The following ZNF594 variants were observed in gnomAD, a reference collection of about 807,000 sequenced individuals.
The protein encoded by ZNF594 is zinc finger protein 594.
For missense variants in ZNF594, 1,037 were observed against 964.6 expected (o/e 1.08, Z -0.99); for synonymous variants, 336 against 309.4 (o/e 1.09, Z -0.90).
downstream of ZNF594, among the ~76,000 whole-genome samples, chr17:5,179,211 G>A (rs930117077): frequency 3.4e-5 from 5 of 146,976 alleles, no homozygotes; most frequent in South Asian, 2.6e-4. Flanking sequence ...CCTCCACCCC[G>A]TTCCTCTCTC....
chr17:5,184,486 C>T, intron 1 of ZNF594: 1 of 540,968 alleles, frequency 1.8e-6, no homozygotes. Context: ...AGGGTGCAGG[C>T]TGGAGCTGGG....
rs768730950 is a variant in ZNF594, at chr17:5,184,036, T to G, written c.221A>C (p.Gln74Pro). 4 of 1,614,052 alleles carry G rather than the reference T, an allele frequency of 2.5e-6. No homozygotes were observed. In the African/African-American group the frequency reaches 4.0e-5, roughly 16 times the overall value. ...SGIREMHIIPQKAIVGEIGHG... is the reference protein window; with the variant it reads ...SGIREMHIIPPKAIVGEIGHG... ...GCCAATCTCTCCCACAATGGCTTTC[T>G]GGGGGATAATATGCATTTCCCTGAT... Residue 74 changes from glutamine to proline, a missense_variant, in exon 2 of 2, where the codon CAG (glutamine) becomes CCG (proline). By Grantham distance (76) the Gln-to-Pro change is moderately conservative. Coordinates refer to ENST00000575779, the MANE Select transcript of ZNF594 (RefSeq NM_032530.2).
downstream of ZNF594, among the ~76,000 whole-genome samples, chr17:5,175,388 C>T (rs557611394): frequency 6.6e-6 from 1 of 152,282 alleles, no homozygotes; most frequent in Non-Finnish European, 1.5e-5. Context: ...AATCTAATGC[C>T]TGATGATTTG....
Position 5,182,768 on chromosome 17 carries a change from A to T in ZNF594, c.1489T>A (p.Phe497Ile), listed in dbSNP as rs1567825605. ...TGAATAAGGAGTGAACGCCGCCTGA[A>T]GGCTTTCCCACATTCAGTGCACTGA... ...PYQCTECGKA[F>I]RRRSLLIQHR... is the part of the protein sequence containing the mutation. The change falls in exon 2 of 2, where the codon TTC becomes ATC. Residue 497 changes from phenylalanine (F) to isoleucine (I), a missense_variant. Phe to Ile is a conservative substitution (Grantham distance 21, BLOSUM62 0). Transcript: ENST00000575779. 6.2e-7 allele frequency: 1 copy of T among 1,614,068 alleles called. No individual in the cohort carries two copies. The highest frequency in any genetic ancestry group is 8.5e-7 in the Non-Finnish European group (1 of 1,180,008).
At chr17:5,177,799 G>A (rs1203084437), downstream of ZNF594, among the ~76,000 whole-genome samples, 2 of 152,086 alleles carry the variant, frequency 1.3e-5, no homozygotes. Flanking sequence ...TTGCGCCACT[G>A]CACTCTAGCC....
rs1321462242 is a variant in ZNF594, at chr17:5,181,491, T to C, written c.*342A>G. 1 of 1,613,808 alleles carries C rather than the reference T, an allele frequency of 6.2e-7. No homozygotes were observed. Among genetic ancestry groups the C allele is most frequent in the African/African-American group, 1.3e-5 (1 of 74,904 alleles). ...ACGTTCTTCAAGTTTCTCTCCAGCA[T>C]GCAGTCTCTGATGTTTGAGGAAAGC... On this transcript the variant is annotated 3_prime_UTR_variant, in exon 2 of 2. Coordinates refer to ENST00000575779, the MANE Select transcript of ZNF594 (RefSeq NM_032530.2).
chr17:5,189,640 T>C (rs2074409082), intron 1 of ZNF594, among the ~76,000 whole-genome samples: 1 of 152,008 alleles, frequency 6.6e-6, no homozygotes, highest in African/African-American at 2.4e-5. Flanking sequence ...GCTCAAGCAA[T>C]CCTCCCACTT....
Position 5,181,384 on chromosome 17 carries a change from A to G in ZNF594, c.*449T>C, listed in dbSNP as rs2074338712. On this transcript the variant is annotated 3_prime_UTR_variant, in exon 2 of 2. Transcript: ENST00000575779. ...GAGCTGCCCTGGAAAGCCCTACCAC[A>G]CTGATTACACCAATAAGCTTTCTCT... 1 of 1,612,926 alleles carries G rather than the reference A, an allele frequency of 6.2e-7. No homozygotes were observed. Among genetic ancestry groups the G allele is most frequent in the Non-Finnish European group, 8.5e-7 (1 of 1,179,078 alleles).
At chr17:5,178,342 T>C (rs1216151054), downstream of ZNF594, among the ~76,000 whole-genome samples, 3 of 152,172 alleles carry the variant, frequency 2.0e-5, no homozygotes, top group Admixed American at 1.3e-4. Context: ...TTATTTACAG[T>C]ATATGTAAAA....
intron 1 of ZNF594, among the ~76,000 whole-genome samples, chr17:5,185,102 A>C (rs780456599): frequency 2.0e-4 from 30 of 152,188 alleles, no homozygotes; most frequent in Non-Finnish European, 4.1e-4. Flanking sequence ...ATTTCTTCTG[A>C]AATTACAAGA....
At chr17:5,175,303 C>T (rs941011374), downstream of ZNF594, among the ~76,000 whole-genome samples, 1 of 152,174 alleles carries the variant, frequency 6.6e-6, no homozygotes, top group Non-Finnish European at 1.5e-5. Flanking sequence ...AGCAGCGGCA[C>T]GCCATTCTCA....
chr17:5,191,013 C>T (rs2144267723), intron 1 of ZNF594, among the ~76,000 whole-genome samples: 1 of 152,304 alleles, frequency 6.6e-6, no homozygotes, highest in Admixed American at 6.5e-5. Context: ...ATTAATTTTT[C>T]AACTTTTTGC....
chr17:5,175,495 G>A (rs1243161932), downstream of ZNF594, among the ~76,000 whole-genome samples: 1 of 152,104 alleles, frequency 6.6e-6, no homozygotes, highest in Non-Finnish European at 1.5e-5. Context: ...CAAAAAGGTT[G>A]GCAACCACTG....
chr17:5,184,485 G>C (rs1447584998), intron 1 of ZNF594: 1 of 540,928 alleles, frequency 1.8e-6, no homozygotes, highest in Non-Finnish European at 3.2e-6. Flanking sequence ...CAGGGTGCAG[G>C]CTGGAGCTGG....
rs1172654708 is a variant in ZNF594, at chr17:5,183,077, G to A, written c.1180C>T (p.His394Tyr). 1.9e-6 allele frequency: 3 copies of A among 1,614,130 alleles called. No homozygotes were observed. The highest frequency in any genetic ancestry group is 1.1e-5 in the South Asian group (1 of 91,080). ...NFQGTSDLIR[H>Y]QVTHTGEKPY... ...TTCTCTCCTGTATGAGTTACCTGAT[G>A]TCTGATGAGGTCTGAGGTGCCCTGG... The change falls in exon 2 of 2, where the codon CAT becomes TAT. Residue 394 changes from histidine to tyrosine, a missense_variant. Physicochemically the swap from His to Tyr is moderately conservative, Grantham distance 83 (BLOSUM62 2). Coordinates refer to ENST00000575779, the MANE Select transcript of ZNF594 (RefSeq NM_032530.2).
At chr17:5,190,336 C>T (rs1452583599) in intron 1 of ZNF594, among the ~76,000 whole-genome samples, 1 of 152,120 alleles carries the variant, frequency 6.6e-6, no homozygotes, top group Non-Finnish European at 1.5e-5. Context: ...CCACTGCACT[C>T]TAGTCTGTTG....
chr17:5,183,061 G>C lies in ZNF594; in HGVS notation c.1196C>G (p.Thr399Arg), dbSNP rs368038687. The C allele has an allele frequency of 6.2e-7, 1 of 1,614,038 alleles. No individual in the cohort carries two copies. The highest frequency in any genetic ancestry group is 1.1e-5 in the South Asian group (1 of 91,070). ...SDLIRHQVTH[T>R]GEKPYECKEC... ...TTTACATTCATATGGTTTCTCTCCTGTATGAGTTACCTGATGTCTGATGAG... is the reference window on the plus strand; with the variant it reads ...TTTACATTCATATGGTTTCTCTCCTCTATGAGTTACCTGATGTCTGATGAG... The change falls in exon 2 of 2, where the codon ACA becomes AGA. Residue 399 changes from threonine (T) to arginine (R), a missense_variant. Thr to Arg is a moderately conservative substitution (Grantham distance 71, BLOSUM62 -1). Transcript: ENST00000575779.
downstream of ZNF594, among the ~76,000 whole-genome samples, chr17:5,176,703 G>C (rs1184729598): frequency 1.3e-5 from 2 of 151,948 alleles, no homozygotes; most frequent in African/African-American, 4.8e-5. Context: ...AATGTGGGCT[G>C]TCAGATAAAT....
chr17:5,178,354 A>G (rs576318541), downstream of ZNF594, among the ~76,000 whole-genome samples: 1 of 152,342 alleles, frequency 6.6e-6, no homozygotes, highest in East Asian at 1.9e-4. Flanking sequence ...TATGTAAAAA[A>G]AAGCATTTAT....
Sources: allele counts gnomAD v4.1 joint callset (sites outside exome capture counted in the v4.1 genomes callset), GRCh38; gene constraint gnomAD v4.1.1; transcripts MANE v1.5; gene names NCBI Gene and HGNC (gene_info 2026-07-23, HGNC 2026-07-21).